MAX: variants seen among roughly 807,000 people sequenced by gnomAD.
MAX encodes the protein MYC associated transcriptional regulator X.
A neutral mutation model predicts 22.3 loss-of-function variants in MAX; 3 were observed. That is an observed-to-expected ratio of 0.13 (90% CI 0.06 to 0.35). The LOEUF is 0.35. MAX is among the 10% of genes least tolerant of loss of function. MAX has a pLI of 1.00. For synonymous variants in MAX, 72 were observed against 77.7 expected (o/e 0.93, Z 0.39); for missense variants, 119 against 209.4 (o/e 0.57, Z 2.66).
intron 3 of MAX, among the ~76,000 whole-genome samples, chr14:65,038,104 T>C (rs1471422940): frequency 6.6e-6 from 1 of 152,094 alleles, no homozygotes; most frequent in Non-Finnish European, 1.5e-5. Flanking sequence ...TACATTTGAT[T>C]GTCTGACTTT....
In MAX at chr14:65,054,784, G is replaced by A; in HGVS notation, c.171+38924C>T. On this transcript the variant is annotated intron_variant, in intron 3 of 3. Transcript: ENST00000341653. The surrounding 1 kb of genome is among the most constrained non-coding windows in gnomAD (Gnocchi z 4.4). Reference sequence around the variant, plus strand: ...GCAGAACTGGCTCTGCATTTCCTGTGTGGACAGGCGGAAGCTTGTGGTCCC... The same window carrying A: ...GCAGAACTGGCTCTGCATTTCCTGTATGGACAGGCGGAAGCTTGTGGTCCC... 1 of 1,346,650 alleles carries A rather than the reference G, an allele frequency of 7.4e-7. No homozygotes were observed. Among genetic ancestry groups the A allele is most frequent in the South Asian group, 1.3e-5 (1 of 76,328 alleles). 83.4% of individuals were successfully genotyped at this position (1,346,650 alleles called of 1,614,324 possible).
chr14:65,063,780 G>T (rs1022123628), intron 3 of MAX, among the ~76,000 whole-genome samples: 4 of 152,142 alleles, frequency 2.6e-5, no homozygotes, highest in African/African-American at 9.7e-5. Flanking sequence ...GCCCAAGCTG[G>T]TCTCGAGCTC....
In MAX at chr14:65,032,449, C is replaced by G; in HGVS notation, c.172-26165G>C. 3.4e-6 allele frequency: 2 copies of G among 590,394 alleles called. No homozygotes were observed. The highest frequency in any genetic ancestry group is 5.6e-6 in the Non-Finnish European group (2 of 357,516). 36.6% of individuals were successfully genotyped at this position (590,394 alleles called of 1,614,324 possible). A position where few individuals can be genotyped will look rare whatever the true frequency, so the allele number is the denominator to read the frequency against. The stretch of plus-strand genomic sequence containing the variant: ...AACTCTATCCAAATAGAATGTCACA[C>G]CTCTCAGTTGGAGACCCAGGAGGAC... On this transcript the variant is annotated intron_variant, in intron 3 of 3. Coordinates refer to the MAX transcript ENST00000341653. This position sits in a 1 kb window ranked among gnomAD's most constrained non-coding sequence, Gnocchi z 5.0.
intron 3 of MAX, among the ~76,000 whole-genome samples, chr14:65,080,698 T>C (rs2063177990): frequency 6.6e-6 from 1 of 152,216 alleles, no homozygotes; most frequent in Non-Finnish European, 1.5e-5. Flanking sequence ...TCTATTTAAA[T>C]TTGCCTATGT....
At chr14:65,090,681 T>C (rs985560654) in intron 3 of MAX, 7 of 152,092 alleles carry the variant, frequency 4.6e-5, no homozygotes, top group Non-Finnish European at 8.8e-5. Flanking sequence ...ATTTTTGTAT[T>C]TTTTGTAGAG....
chr14:65,067,598 G>A (rs2062943218), intron 3 of MAX, among the ~76,000 whole-genome samples: 1 of 150,518 alleles, frequency 6.6e-6, no homozygotes, highest in African/African-American at 2.4e-5. Flanking sequence ...TTTGTTTGAT[G>A]TTATCCTTAT....
intron 3 of MAX, among the ~76,000 whole-genome samples, chr14:65,035,553 C>A (rs7155275): frequency 0.57 from 85,749 of 151,752 alleles, 24,897 homozygotes; most frequent in African/African-American, 0.69. Context: ...TTTTTGAGAC[C>A]GAGTCTTGCT....
rs759033476 is a variant in MAX at position 65,077,902 on chromosome 14, C to T, written c.295+11G>A. The stretch of plus-strand genomic sequence containing the variant: ...AGCAGGGCCAGCTGCCCCACGAGCT[C>T]GGGTGCTCACCTTGCTGCTCCAGAA... On this transcript the variant is annotated intron_variant, in intron 4 of 4. Coordinates refer to ENST00000358664, the MANE Select transcript of MAX (RefSeq NM_002382.5). The surrounding 1 kb of genome is among the most constrained non-coding windows in gnomAD (Gnocchi z 6.3). 2.5e-6 allele frequency: 4 copies of T among 1,614,112 alleles called. No individual in the cohort carries two copies. The highest frequency in any genetic ancestry group is 1.7e-5 in the Admixed American group (1 of 60,008).
In MAX at chr14:65,020,100, TCC is replaced by T. The variant is rs1203052006; in HGVS notation, c.172-13818_172-13817del. On this transcript the variant is annotated intron_variant, in intron 3 of 3. Coordinates refer to the MAX transcript ENST00000341653. ...CTACACTTACACAAAGGTTTCTCTT[TCC>T]TATTTTGTTCACTGCTGTGCTTCTA... Among the ~76,000 whole-genome samples the T allele has an allele frequency of 2.0e-5, 3 of 152,232 alleles. No individual in the cohort carries two copies. The East Asian group carries it at 5.8e-4, about 29-fold the overall frequency.
In MAX at chr14:65,011,015, A is replaced by C. The variant is rs2061674915; in HGVS notation, c.172-4731T>G. 6.7e-6 allele frequency among the ~76,000 whole-genome samples: 1 copy of C among 149,690 alleles called. No homozygotes were observed. The highest frequency in any genetic ancestry group is 2.1e-4 in the South Asian group (1 of 4,786). The stretch of plus-strand genomic sequence containing the variant: ...TCCTGATCATTCCTTTCTTCATGAG[A>C]TATCCCCTCCCTTTTGAGCCTCAGT... On this transcript the variant is annotated intron_variant, in intron 3 of 3. Coordinates refer to the MAX transcript ENST00000341653. The surrounding 1 kb of genome is among the most constrained non-coding windows in gnomAD (Gnocchi z 4.0).
At chr14:65,035,398 T>C (rs1309703732) in intron 3 of MAX, among the ~76,000 whole-genome samples, 1 of 152,190 alleles carries the variant, frequency 6.6e-6, no homozygotes, top group Non-Finnish European at 1.5e-5. Flanking sequence ...TTGTTCAGTG[T>C]ACAGCTGTCA....
Position 65,084,370 on chromosome 14 carries a change from T to C in MAX, c.172-6334A>G. The C allele has an allele frequency of 3.0e-6, 3 of 998,788 alleles. No individual in the cohort carries two copies. The highest frequency in any genetic ancestry group is 4.7e-6 in the Non-Finnish European group (3 of 638,244). 61.9% of individuals were successfully genotyped at this position (998,788 alleles called of 1,614,324 possible). ...AATAGAATACAAAATTACTAACTTT[T>C]GTTTACTGAATTAGTTACCCTCTTC... On this transcript the variant is annotated intron_variant, in intron 3 of 4. Transcript: ENST00000358664. The surrounding 1 kb of genome is among the most constrained non-coding windows in gnomAD (Gnocchi z 4.3).
rs200750996 is a variant in MAX, at chr14:65,027,549, C to G, written c.172-21265G>C. 4.7e-5 allele frequency: 76 copies of G among 1,614,186 alleles called. No individual in the cohort carries two copies. The highest frequency in any genetic ancestry group is 2.0e-4 in the East Asian group (9 of 44,880). On this transcript the variant is annotated intron_variant, in intron 3 of 3. Coordinates refer to the MAX transcript ENST00000341653. The surrounding 1 kb of genome is among the most constrained non-coding windows in gnomAD (Gnocchi z 5.7). ...ACCTTGCACCCACATATGCAGCAGT[C>G]AATGCATTGTGCATCATTGGCACCG...
At chr14:65,072,375 T>C (rs1055142552), downstream of MAX, among the ~76,000 whole-genome samples, 1 of 152,188 alleles carries the variant, frequency 6.6e-6, no homozygotes, top group African/African-American at 2.4e-5. Context: ...ATTGGAGGCA[T>C]GCTGGGAGCA....
chr14:65,055,298 G>C (rs1184149370), intron 3 of MAX, among the ~76,000 whole-genome samples: 1 of 152,164 alleles, frequency 6.6e-6, no homozygotes, highest in Non-Finnish European at 1.5e-5. Flanking sequence ...GAGCCTAGAC[G>C]TGAGCCTGGA....
chr14:65,068,134 A>G (rs2062949646), intron 3 of MAX, among the ~76,000 whole-genome samples: 3 of 152,144 alleles, frequency 2.0e-5, no homozygotes, highest in Admixed American at 1.3e-4. Flanking sequence ...GGTAGCTACT[A>G]TATGCAGTCC....
rs929838229 is a variant in MAX at position 65,082,150 on chromosome 14, T to G, written c.172-4114A>C. ...CAATGTTATGTAAACTAATAGGAAG[T>G]TGAGTCAGGATTTGAATCCAAGCCT... On this transcript the variant is annotated intron_variant, in intron 3 of 4. Coordinates refer to ENST00000358664, the MANE Select transcript of MAX (RefSeq NM_002382.5). This position sits in a 1 kb window ranked among gnomAD's most constrained non-coding sequence, Gnocchi z 4.8. 1.1e-4 allele frequency: 17 copies of G among 152,286 alleles called. No homozygotes were observed. In the East Asian group the frequency reaches 1.7e-3, roughly 16 times the overall value. The allele number at this position is 152,286 out of a possible 1,614,324, so 9.4% of individuals were successfully genotyped here.
Position 65,054,496 on chromosome 14 carries a change from G to T in MAX, c.171+39212C>A, listed in dbSNP as rs907131695. The stretch of plus-strand genomic sequence containing the variant: ...GGGGGGACGTGTGATTGCACCAGTG[G>T]TCTCTGAATTGGTGTGGCTACATTT... On this transcript the variant is annotated intron_variant, in intron 3 of 3. Coordinates refer to the MAX transcript ENST00000341653. The surrounding 1 kb of genome is among the most constrained non-coding windows in gnomAD (Gnocchi z 4.4). 5 of 1,394,242 alleles carry T rather than the reference G, an allele frequency of 3.6e-6. No individual in the cohort carries two copies. The highest frequency in any genetic ancestry group is 4.0e-6 in the Non-Finnish European group (4 of 1,010,148). The allele number at this position is 1,394,242 out of a possible 1,614,324, so 86.4% of individuals were successfully genotyped here.
intron 3 of MAX, among the ~76,000 whole-genome samples, chr14:65,065,608 CA>C (rs1446246284): frequency 1.3e-5 from 2 of 152,168 alleles, no homozygotes; most frequent in East Asian, 3.9e-4. Flanking sequence ...TGAATCTAAA[CA>C]TGGAAAAGGT....
Sources: gnomAD v4.1 joint callset for allele counts (sites outside exome capture counted in the v4.1 genomes callset) on GRCh38, gnomAD v4.1.1 for gene constraint, Gnocchi (gnomAD v3.1) non-coding constraint, MANE v1.5 for transcripts, NCBI Gene and HGNC (gene_info 2026-07-23, HGNC 2026-07-21) for gene names.